NTSR2: variants seen among roughly 807,000 people sequenced by gnomAD.
NTSR2 encodes neurotensin receptor type 2.
In NTSR2, 22 loss-of-function variants were observed where a neutral mutation model predicts 24.1. The ratio of observed to expected loss-of-function variants is 0.91; its 90% confidence interval spans 0.65 to 1.30. The LOEUF is 1.30. NTSR2 is among the 50% of genes most tolerant of loss of function. The probability of loss-of-function intolerance (pLI) is 0.00; values close to 1 mark genes in which losing one functional copy is unlikely to be tolerated. For synonymous variants in NTSR2, 291 were observed against 267.0 expected (o/e 1.09, Z -0.88); for missense variants, 570 against 570.4 (o/e 1.00, Z 0.01).
Position 11,669,582 on chromosome 2 carries a change from G to A in NTSR2, c.548C>T (p.Ala183Val), listed in dbSNP as rs778690514. Residue 183 changes from alanine to valine, a missense_variant, in exon 1 of 4, where the codon GCG becomes GTG. By Grantham distance (64) the Ala-to-Val change is moderately conservative (BLOSUM62 0). Coordinates refer to ENST00000306928, the MANE Select transcript of NTSR2 (RefSeq NM_012344.4). Reference protein sequence around the residue: ...IMGQKHELETADGEPEPASRV... With the variant: ...IMGQKHELETVDGEPEPASRV... ...CGAGGCGGGCTCCGGCTCCCCGTCC[G>A]CCGTCTCGAGTTCGTGCTTCTGCCC... The A allele has an allele frequency of 2.5e-6, 4 of 1,578,668 alleles. No homozygotes were observed. Among genetic ancestry groups the A allele is most frequent in the Admixed American group, 1.7e-5 (1 of 57,854 alleles).
At chr2:11,668,008 AC>A (rs1261575955) in intron 1 of NTSR2, among the ~76,000 whole-genome samples, 2 of 152,196 alleles carry the variant, frequency 1.3e-5, no homozygotes, top group Non-Finnish European at 2.9e-5. Context: ...ACAGAGGTAC[AC>A]TTCTGAGGAT....
chr2:11,669,724 C>G lies in NTSR2; in HGVS notation c.406G>C (p.Ala136Pro), dbSNP rs1558700964. ...VAGLSAERCLAVCQPLRARSL... is the reference protein window; with the variant it reads ...VAGLSAERCLPVCQPLRARSL... ...CGGGCACGCAGGGGCTGGCACACGG[C>G]TAGGCAGCGCTCGGCGCTCAGGCCT... is the stretch of plus-strand genomic sequence containing the variant. Residue 136 changes from alanine (A) to proline (P), a missense_variant, in exon 1 of 4, where the codon GCC (alanine) becomes CCC (proline). Ala to Pro is a conservative substitution (Grantham distance 27). Coordinates refer to ENST00000306928, the MANE Select transcript of NTSR2 (RefSeq NM_012344.4). 3 of 1,531,554 alleles carry G rather than the reference C, an allele frequency of 2.0e-6. No individual in the cohort carries two copies. The Admixed American group carries it at 5.9e-5, about 30-fold the overall frequency. 94.9% of individuals were successfully genotyped at this position (1,531,554 alleles called of 1,614,324 possible).
At chr2:11,661,689 G>A (rs560639360) in intron 2 of NTSR2, among the ~76,000 whole-genome samples, 4 of 152,270 alleles carry the variant, frequency 2.6e-5, no homozygotes, top group African/African-American at 7.2e-5. Context: ...CATCCACACC[G>A]CCAGACTCAC....
At chr2:11,662,650 G>A (rs1022993635) in intron 1 of NTSR2, among the ~76,000 whole-genome samples, 7 of 152,096 alleles carry the variant, frequency 4.6e-5, no homozygotes, top group African/African-American at 1.4e-4. Context: ...GCGTGGTAGC[G>A]GGCGCCTGTA....
rs1012188961 is a variant in NTSR2, at chr2:11,662,767, C to T, written c.625-527G>A. ...CTGCACTCCAGCCTGGGCAACAGAG[C>T]GAGACTCCGTCTCAAAAAAAAAATG... On this transcript the variant is annotated intron_variant, in intron 1 of 3. Coordinates refer to ENST00000306928, the MANE Select transcript of NTSR2 (RefSeq NM_012344.4). 5.9e-5 allele frequency among the ~76,000 whole-genome samples: 9 copies of T among 151,452 alleles called. No homozygotes were observed. In the East Asian group the frequency reaches 7.8e-4, roughly 13 times the overall value.
chr2:11,660,876 T>C (rs1056682398), intron 2 of NTSR2, among the ~76,000 whole-genome samples: 1 of 152,238 alleles, frequency 6.6e-6, no homozygotes, highest in Non-Finnish European at 1.5e-5. Flanking sequence ...CCTATTTTTC[T>C]GTTCCTTTCT....
At chr2:11,659,762 C>A (rs1661029819) in intron 3 of NTSR2, among the ~76,000 whole-genome samples, 1 of 152,196 alleles carries the variant, frequency 6.6e-6, no homozygotes, top group Non-Finnish European at 1.5e-5. Flanking sequence ...GGCCCGTGCT[C>A]CCTCTTCCCA....
At chr2:11,669,469 C>T (rs752085565) in intron 1 of NTSR2, 37 bp downstream of exon 1, 11 of 163,826 alleles carry the variant, frequency 6.7e-5, no homozygotes, top group East Asian at 1.5e-4. Flanking sequence ...CGCCCCCCCA[C>T]CCCCCCTCCC....
At position 11,662,920 on chromosome 2, in the gene NTSR2, G is replaced by A. The variant is rs1283584542; in HGVS notation, c.625-680C>T. Reference sequence around the variant, plus strand: ...CATTCTTATGACATTTAGCATCTTAGGTATAAAGAGAAGATCTTGAAAGCT... The same window carrying A: ...CATTCTTATGACATTTAGCATCTTAAGTATAAAGAGAAGATCTTGAAAGCT... On this transcript the variant is annotated intron_variant, in intron 1 of 3. Coordinates refer to ENST00000306928, the MANE Select transcript of NTSR2 (RefSeq NM_012344.4). 2.0e-5 allele frequency among the ~76,000 whole-genome samples: 3 copies of A among 152,278 alleles called. No homozygotes were observed. In the East Asian group the frequency reaches 5.8e-4, roughly 29 times the overall value.
chr2:11,668,302 G>A (rs1253438669), intron 1 of NTSR2, among the ~76,000 whole-genome samples: 1 of 152,198 alleles, frequency 6.6e-6, no homozygotes, highest in Non-Finnish European at 1.5e-5. Flanking sequence ...ACAAAGGTGG[G>A]ATCTTCAGGA....
intron 1 of NTSR2, among the ~76,000 whole-genome samples, chr2:11,665,077 T>G (rs1370264143): frequency 1.3e-5 from 2 of 149,588 alleles, no homozygotes; most frequent in Admixed American, 6.7e-5. Context: ...TTTTTTTTTT[T>G]TTTTTTCCAA....
intron 1 of NTSR2, 121 bp from the exon 2 acceptor site, chr2:11,662,361 A>G (rs1661093394): frequency 2.1e-6 from 2 of 941,786 alleles, no homozygotes; most frequent in Non-Finnish European, 3.0e-6. Flanking sequence ...GTTAGAAGAT[A>G]AGGTTGAGAA....
intron 1 of NTSR2, among the ~76,000 whole-genome samples, chr2:11,666,404 CA>C (rs1274283837): frequency 6.6e-6 from 1 of 152,074 alleles, no homozygotes; most frequent in Non-Finnish European, 1.5e-5. Context: ...AAACAACGAA[CA>C]AAAAGTGAAT....
intron 1 of NTSR2, among the ~76,000 whole-genome samples, chr2:11,669,110 T>C (rs4669768): frequency 0.9 from 136,079 of 152,008 alleles, 61,204 homozygotes; most frequent in East Asian, 1. Context: ...GTCCCCACCC[T>C]ACCTCCAGGG....
intron 1 of NTSR2, chr2:11,666,064 C>T (rs946855101): frequency 1.3e-5 from 2 of 152,352 alleles, no homozygotes; most frequent in Non-Finnish European, 2.9e-5. Flanking sequence ...GCAGCAACAG[C>T]AGGACCTGAA....
rs1307742658 is a variant in NTSR2, at chr2:11,670,085, C to T, written c.45G>A (p.Pro15=). The T allele has an allele frequency of 7.7e-6, 11 of 1,437,478 alleles. No homozygotes were observed. Among genetic ancestry groups the T allele is most frequent in the South Asian group, 1.5e-5 (1 of 68,508 alleles). The allele number at this position is 1,437,478 out of a possible 1,614,324, so 89.0% of individuals were successfully genotyped here. A position where few individuals can be genotyped will look rare whatever the true frequency, so the allele number is the denominator to read the frequency against. The part of the protein sequence containing the change: ...SPRPPRPSSN[P]GLSLDARLGV... ...CCAGCCGGGCGTCCAGGCTCAGCCC[C>T]GGGTTGGAGCTGGGCCGCGGGGGCC... The change falls in exon 1 of 4, where the codon CCG becomes CCA. Residue 15 remains proline, a synonymous_variant. Transcript: ENST00000306928.
intron 1 of NTSR2, 138 bp from the exon 2 acceptor site, chr2:11,662,378 C>T (rs1661093543): frequency 5.0e-6 from 4 of 804,004 alleles, no homozygotes; most frequent in Admixed American, 6.7e-5. Context: ...AGAAAGTTCT[C>T]AAAAAGTGAG....
intron 2 of NTSR2, 102 bp downstream of exon 2, chr2:11,661,863 TGA>T: frequency 9.2e-7 from 1 of 1,086,916 alleles, no homozygotes; most frequent in Non-Finnish European, 1.3e-6. Flanking sequence ...AAGGAAGCCT[TGA>T]GAGAGGTAGT....
chr2:11,669,809 GC>G lies in NTSR2; in HGVS notation c.320del (p.Gly107AlafsTer18). 1 of 1,565,884 alleles carries G rather than the reference GC, an allele frequency of 6.4e-7. No homozygotes were observed. On this transcript the variant is annotated frameshift_variant, in exon 1 of 4. Coordinates refer to ENST00000306928, the MANE Select transcript of NTSR2 (RefSeq NM_012344.4). LOFTEE classifies it high-confidence loss of function. ...CGTGCACGAAGTAGTAGCCGCGGCA[GC>G]CCAGGTCGCCGAAGACCCAGGGGTA... ...FHYPWVFGDL[G>X]CRGYYFVHEL...
Sources: allele counts gnomAD v4.1 joint callset (sites outside exome capture counted in the v4.1 genomes callset), GRCh38; gene constraint gnomAD v4.1.1; transcripts MANE v1.5; gene names NCBI Gene and HGNC (gene_info 2026-07-23, HGNC 2026-07-21).